Variants in RAD51B observed in about 807,000 individuals in gnomAD.
The protein encoded by RAD51B is DNA repair protein RAD51 homolog 2.
A neutral mutation model predicts 42.2 loss-of-function variants in RAD51B; 38 were observed. That is an observed-to-expected ratio of 0.90 (90% CI 0.70 to 1.18). The LOEUF (loss-of-function observed/expected upper bound fraction) is 1.18. Ranked by LOEUF, RAD51B falls within the 50% of genes most tolerant of loss-of-function variation. RAD51B has a pLI of 0.00. For synonymous variants in RAD51B, 154 were observed against 145.2 expected, an observed-to-expected ratio of 1.06 and a Z score of -0.43; for missense variants, 373 against 400.7, an observed-to-expected ratio of 0.93 and a Z score of 0.59.
At chr14:68,523,783 TTCTA>T (rs1886745900) in intron 10 of RAD51B, among the ~76,000 whole-genome samples, 1 of 152,188 alleles carries the variant, frequency 6.6e-6, no homozygotes, top group South Asian at 2.1e-4. Context: ...GTGCTGTATT[TTCTA>T]TCTGTGTTTG....
At chr14:68,529,744 A>G (rs966811780) in intron 10 of RAD51B, among the ~76,000 whole-genome samples, 1 of 152,240 alleles carries the variant, frequency 6.6e-6, no homozygotes, top group Non-Finnish European at 1.5e-5. Flanking sequence ...AAAATATTCA[A>G]CACTAAGAAA....
intron 7 of RAD51B, among the ~76,000 whole-genome samples, chr14:68,031,788 A>G (rs547184399): frequency 7.6e-4 from 116 of 152,324 alleles, no homozygotes; most frequent in African/African-American, 2.7e-3. Flanking sequence ...TTCCAAGTCA[A>G]TGGTAAGAAT....
intron 7 of RAD51B, among the ~76,000 whole-genome samples, chr14:67,951,107 G>A (rs113297824): frequency 2.6e-5 from 4 of 152,232 alleles, no homozygotes; most frequent in South Asian, 2.1e-4. Context: ...AATGTGACAC[G>A]GACATGAAAT....
chr14:68,664,769 T>C (rs1024438424), intron 11 of RAD51B, among the ~76,000 whole-genome samples: 7 of 152,188 alleles, frequency 4.6e-5, no homozygotes, highest in Admixed American at 3.3e-4. Context: ...TATCAATGTG[T>C]CCACTCATCC....
At chr14:68,279,198 GC>G (rs1315084756) in intron 7 of RAD51B, among the ~76,000 whole-genome samples, 1 of 152,202 alleles carries the variant, frequency 6.6e-6, no homozygotes, top group African/African-American at 2.4e-5. Context: ...GCTAGGGAGG[GC>G]AGGAGGAGTC....
intron 7 of RAD51B, among the ~76,000 whole-genome samples, chr14:68,287,633 A>G (rs2081438238): frequency 6.6e-6 from 1 of 152,192 alleles, no homozygotes; most frequent in Non-Finnish European, 1.5e-5. Context: ...TTTTAGGGAA[A>G]TAGCAAAAAT....
At chr14:67,971,796 T>G (rs2074903725) in intron 7 of RAD51B, among the ~76,000 whole-genome samples, 1 of 151,988 alleles carries the variant, frequency 6.6e-6, no homozygotes, top group Non-Finnish European at 1.5e-5. Context: ...ATATTTGCCC[T>G]TGGATGAGTC....
intron 7 of RAD51B, among the ~76,000 whole-genome samples, chr14:68,263,211 A>T (rs1431609062): frequency 6.6e-6 from 1 of 152,250 alleles, no homozygotes; most frequent in African/African-American, 2.4e-5. Context: ...TGACCTGTGA[A>T]CAAACTGCTA....
At chr14:68,154,045 T>C (rs557939612) in intron 7 of RAD51B, among the ~76,000 whole-genome samples, 11 of 152,230 alleles carry the variant, frequency 7.2e-5, no homozygotes, top group Non-Finnish European at 1.6e-4. Flanking sequence ...AACTCTAGTA[T>C]CTGTGTCAGT....
At chr14:67,999,709 T>G (rs2075446091) in intron 7 of RAD51B, among the ~76,000 whole-genome samples, 2 of 152,202 alleles carry the variant, frequency 1.3e-5, no homozygotes, top group South Asian at 4.1e-4. Flanking sequence ...TGGCATATCA[T>G]AGAGGTTCAT....
intron 7 of RAD51B, among the ~76,000 whole-genome samples, chr14:67,888,722 G>T (rs1241843179): frequency 6.6e-6 from 1 of 151,986 alleles, no homozygotes; most frequent in Non-Finnish European, 1.5e-5. Flanking sequence ...ACATTGTATT[G>T]GGTATTATAA....
intron 8 of RAD51B, among the ~76,000 whole-genome samples, chr14:68,384,370 A>G (rs1311503618): frequency 1.3e-5 from 2 of 152,212 alleles, no homozygotes; most frequent in African/African-American, 4.8e-5. Flanking sequence ...ATTTCCCACA[A>G]TGGCTATGTC....
At chr14:68,160,088 TGACA>T (rs2078606187) in intron 7 of RAD51B, among the ~76,000 whole-genome samples, 1 of 46,604 alleles carries the variant, frequency 2.1e-5, no homozygotes, top group South Asian at 6.3e-4. Flanking sequence ...TTATTTTCAC[TGACA>T]GACTTCATGG....
intron 7 of RAD51B, among the ~76,000 whole-genome samples, chr14:68,278,745 G>A (rs1292895394): frequency 1.3e-5 from 2 of 152,156 alleles, no homozygotes; most frequent in Admixed American, 1.3e-4. Flanking sequence ...CTGAGTCACT[G>A]TTCCAGCCCT....
At chr14:68,190,819 A>G (rs2079250541) in intron 7 of RAD51B, among the ~76,000 whole-genome samples, 1 of 152,194 alleles carries the variant, frequency 6.6e-6, no homozygotes, top group Non-Finnish European at 1.5e-5. Context: ...GTACATCATG[A>G]TCTATATTCT....
At chr14:68,050,716 C>T (rs1412157434) in intron 7 of RAD51B, among the ~76,000 whole-genome samples, 1 of 152,232 alleles carries the variant, frequency 6.6e-6, no homozygotes, top group East Asian at 1.9e-4. Flanking sequence ...TCTCTTCCCC[C>T]TCTCCCCACC....
At chr14:67,996,161 C>T (rs940977483) in intron 7 of RAD51B, among the ~76,000 whole-genome samples, 2 of 151,288 alleles carry the variant, frequency 1.3e-5, no homozygotes, top group East Asian at 2.0e-4. Context: ...TTTGGGAGGC[C>T]GAGGTGGGAG....
intron 10 of RAD51B, among the ~76,000 whole-genome samples, chr14:68,530,368 G>C (rs868451789): frequency 1.4e-5 from 2 of 142,966 alleles, no homozygotes; most frequent in Non-Finnish European, 3.0e-5. Flanking sequence ...GATTGCTGGA[G>C]CCCAGAAGGT....
intron 8 of RAD51B, among the ~76,000 whole-genome samples, chr14:68,356,749 AG>A (rs1301387081): frequency 6.6e-6 from 1 of 152,014 alleles, no homozygotes; most frequent in Non-Finnish European, 1.5e-5. Context: ...TGGGAGGCCG[AG>A]GCGGGCGGAT....
Sources: allele counts gnomAD v4.1 joint callset (sites outside exome capture counted in the v4.1 genomes callset), GRCh38; gene constraint gnomAD v4.1.1; transcripts MANE v1.5; gene names NCBI Gene and HGNC (gene_info 2026-07-23, HGNC 2026-07-21).